Variants in TTC29 observed in about 807,000 individuals in gnomAD.
TTC29 encodes the protein tetratricopeptide repeat protein 29.
TTC29 carries 49 observed loss-of-function variants against 58.1 expected under a neutral mutation model. That is an observed-to-expected ratio of 0.84 (90% confidence interval 0.67 to 1.07). The LOEUF is 1.07. Ranked by LOEUF, TTC29 falls within the 50% of genes least tolerant of loss-of-function variation. The pLI is 0.00. For synonymous variants in TTC29, 209 were observed against 196.8 expected, an observed-to-expected ratio of 1.06 and a Z score of -0.52; for missense variants, 582 against 555.6, an observed-to-expected ratio of 1.05 and a Z score of -0.48.
intron 11 of TTC29, among the ~76,000 whole-genome samples, chr4:146,744,963 T>C (rs948058609): frequency 2.0e-5 from 3 of 152,146 alleles, no homozygotes; most frequent in African/African-American, 7.2e-5. Context: ...TGCAAATTTA[T>C]GGAGAAAATG....
At chr4:146,744,524 T>C (rs1406397941) in intron 11 of TTC29, among the ~76,000 whole-genome samples, 2 of 152,304 alleles carry the variant, frequency 1.3e-5, no homozygotes, top group Non-Finnish European at 1.5e-5. Context: ...ATTCATTTAG[T>C]AAATGCCTGC....
chr4:146,742,749 T>TCCCTC (rs1245952141), intron 11 of TTC29, among the ~76,000 whole-genome samples: 2 of 125,224 alleles, frequency 1.6e-5, no homozygotes, highest in African/African-American at 6.0e-5. Flanking sequence ...CCCCTCCCTT[T>TCCCTC]CCCTCCCCTC....
At chr4:146,760,322 T>C (rs1162945189) in intron 11 of TTC29, among the ~76,000 whole-genome samples, 1 of 152,064 alleles carries the variant, frequency 6.6e-6, no homozygotes, top group Non-Finnish European at 1.5e-5. Flanking sequence ...CCCATGCTCA[T>C]GGACGGGTAG....
intron 4 of TTC29, among the ~76,000 whole-genome samples, chr4:146,913,882 T>C (rs936941574): frequency 2.0e-5 from 3 of 152,176 alleles, no homozygotes; most frequent in African/African-American, 7.2e-5. Flanking sequence ...ATATAACTGA[T>C]ATCAATTTTT....
chr4:146,916,930 T>A (rs1173002771), intron 4 of TTC29, among the ~76,000 whole-genome samples: 2 of 151,380 alleles, frequency 1.3e-5, no homozygotes, highest in Non-Finnish European at 3.0e-5. Context: ...TTTCAAAGCA[T>A]CCAATTCTTA....
At chr4:146,802,421 T>G (rs1750295596) in intron 11 of TTC29, among the ~76,000 whole-genome samples, 1 of 152,228 alleles carries the variant, frequency 6.6e-6, no homozygotes. Flanking sequence ...GCCAATTTTT[T>G]GAAGACTTCA....
intron 11 of TTC29, among the ~76,000 whole-genome samples, chr4:146,790,290 G>A (rs1188608408): frequency 2.6e-5 from 4 of 151,278 alleles, no homozygotes; most frequent in African/African-American, 9.7e-5. Flanking sequence ...CCAGGTTCAC[G>A]CCATTCTCCT....
chr4:146,901,480 A>T (rs1733144247), intron 6 of TTC29, among the ~76,000 whole-genome samples: 1 of 152,238 alleles, frequency 6.6e-6, no homozygotes, highest in African/African-American at 2.4e-5. Context: ...TAAAATCCAA[A>T]GTCCTCACCT....
At chr4:146,931,493 T>C (rs1408695837) in intron 4 of TTC29, among the ~76,000 whole-genome samples, 2 of 152,226 alleles carry the variant, frequency 1.3e-5, no homozygotes, top group Non-Finnish European at 2.9e-5. Context: ...CTTGTAAGAA[T>C]TTCTTGTTAG....
chr4:146,843,163 C>T (rs957615340), intron 8 of TTC29, among the ~76,000 whole-genome samples: 2 of 152,074 alleles, frequency 1.3e-5, no homozygotes, highest in African/African-American at 4.8e-5. Context: ...AGATAATACA[C>T]ATGAAGGCAA....
intron 6 of TTC29, among the ~76,000 whole-genome samples, chr4:146,879,627 C>A (rs572571635): frequency 6.6e-6 from 1 of 152,194 alleles, no homozygotes; most frequent in East Asian, 1.9e-4. Context: ...TTTAGTGTAC[C>A]TTTTGGCACC....
At chr4:146,753,979 C>T (rs1235275691) in intron 11 of TTC29, among the ~76,000 whole-genome samples, 1 of 151,884 alleles carries the variant, frequency 6.6e-6, no homozygotes, top group Non-Finnish European at 1.5e-5. Context: ...GGGTGCAGCA[C>T]ACCATCATGG....
At chr4:146,904,767 T>A (rs10032539) in intron 5 of TTC29, among the ~76,000 whole-genome samples, 149 of 151,944 alleles carry the variant, frequency 9.8e-4, no homozygotes, top group African/African-American at 3.4e-3. Context: ...CACATATTCC[T>A]GAAGAGATTA....
intron 8 of TTC29, among the ~76,000 whole-genome samples, chr4:146,835,670 G>A (rs1383558212): frequency 6.6e-6 from 1 of 152,056 alleles, no homozygotes; most frequent in Admixed American, 6.6e-5. Flanking sequence ...TGATACAACT[G>A]TGTGAATTAA....
intron 7 of TTC29, among the ~76,000 whole-genome samples, chr4:146,871,805 A>T (rs1267513019): frequency 6.6e-6 from 1 of 152,064 alleles, no homozygotes; most frequent in Non-Finnish European, 1.5e-5. Context: ...TGAAAAACTT[A>T]GTTTGAAGAT....
chr4:146,939,425 C>T (rs532550921), intron 3 of TTC29, among the ~76,000 whole-genome samples: 6 of 152,200 alleles, frequency 3.9e-5, no homozygotes, highest in South Asian at 2.1e-4. Context: ...ACTGCACTCC[C>T]GCCTAGGTGA....
intron 9 of TTC29, among the ~76,000 whole-genome samples, chr4:146,824,319 T>TGTATTTTATC (rs1005065666): frequency 6.2e-4 from 94 of 152,332 alleles, no homozygotes; most frequent in African/African-American, 2.2e-3. Flanking sequence ...GAAGGGGTGT[T>TGTATTTTATC]GTATTTTATC....
intron 4 of TTC29, chr4:146,934,300 G>T (rs1402629413): frequency 6.6e-6 from 1 of 152,204 alleles, no homozygotes; most frequent in Non-Finnish European, 1.5e-5. Context: ...AGCTGATCGG[G>T]CATACTGATG....
At chr4:146,880,793 T>G (rs957478321) in intron 6 of TTC29, among the ~76,000 whole-genome samples, 2 of 152,140 alleles carry the variant, frequency 1.3e-5, no homozygotes, top group Non-Finnish European at 1.5e-5. Context: ...TTTTTGATTC[T>G]ATGAATATTT....
Sources: allele counts gnomAD v4.1 joint callset (sites outside exome capture counted in the v4.1 genomes callset), GRCh38; gene constraint gnomAD v4.1.1; transcripts MANE v1.5; gene names NCBI Gene and HGNC (gene_info 2026-07-23, HGNC 2026-07-21).